COL23A1: variants seen among roughly 807,000 people sequenced by gnomAD.
The protein encoded by COL23A1 is collagen alpha-1(XXIII) chain.
A neutral mutation model predicts 99.3 loss-of-function variants in COL23A1; 97 were observed. That is an observed-to-expected ratio of 0.98 (90% CI 0.83 to 1.16). The LOEUF (loss-of-function observed/expected upper bound fraction) is 1.16, where lower values mean the gene tolerates loss of function less well. Ranked by LOEUF, COL23A1 falls within the 50% of genes most tolerant of loss-of-function variation. The pLI is 0.00. For missense variants in COL23A1, 762 were observed against 757.4 expected (o/e 1.01, Z -0.07); for synonymous variants, 320 against 308.2 (o/e 1.04, Z -0.40).
intron 1 of COL23A1, among the ~76,000 whole-genome samples, chr5:178,572,072 C>CAAAACAAAAAAA (rs762501300): frequency 4.0e-4 from 44 of 109,490 alleles, no homozygotes; most frequent in African/African-American, 1.5e-3. Flanking sequence ...TTTCTCAAAA[C>CAAAACAAAAAAA]AAAAAAAAAA....
At chr5:178,327,174 C>G (rs925817971) in intron 2 of COL23A1, among the ~76,000 whole-genome samples, 1 of 152,246 alleles carries the variant, frequency 6.6e-6, no homozygotes, top group Non-Finnish European at 1.5e-5. Flanking sequence ...CAAAGATGTA[C>G]TAATGACCCA....
intron 3 of COL23A1, among the ~76,000 whole-genome samples, chr5:178,305,476 T>C (rs1421728950): frequency 6.6e-6 from 1 of 152,176 alleles, no homozygotes; most frequent in Non-Finnish European, 1.5e-5. Flanking sequence ...CTTGTGAAGT[T>C]GCTTAGGGGC....
At position 178,405,353 on chromosome 5, in the gene COL23A1, T is replaced by C. The variant is rs1170228983; in HGVS notation, c.362-98434A>G. 2.6e-5 allele frequency among the ~76,000 whole-genome samples: 4 copies of C among 152,268 alleles called. No individual in the cohort carries two copies. The East Asian group carries it at 7.7e-4, about 29-fold the overall frequency. On this transcript the variant is annotated intron_variant, in intron 2 of 28. Coordinates refer to ENST00000390654, the MANE Select transcript of COL23A1 (RefSeq NM_173465.4). ...ATAGCTCTGTCCTCGTTTACATTGT[T>C]CTTCAAACAAACTATGATTCAATTT...
At chr5:178,462,644 T>C (rs945023232) in intron 2 of COL23A1, among the ~76,000 whole-genome samples, 2 of 152,000 alleles carry the variant, frequency 1.3e-5, no homozygotes, top group Admixed American at 1.3e-4. Context: ...AATACAAAGG[T>C]AGAACAATTT....
At chr5:178,403,890 G>A (rs1764606947) in intron 2 of COL23A1, among the ~76,000 whole-genome samples, 2 of 152,252 alleles carry the variant, frequency 1.3e-5, no homozygotes, top group African/African-American at 4.8e-5. Flanking sequence ...AGACCTGTGA[G>A]GCCCCCATCA....
chr5:178,314,358 G>C (rs564783941), intron 2 of COL23A1, among the ~76,000 whole-genome samples: 1 of 152,112 alleles, frequency 6.6e-6, no homozygotes. Flanking sequence ...GGGTTTTAAG[G>C]CACCGCCATA....
intron 5 of COL23A1, among the ~76,000 whole-genome samples, chr5:178,279,085 C>G (rs1005510745): frequency 4.6e-5 from 7 of 152,200 alleles, no homozygotes; most frequent in African/African-American, 1.4e-4. Flanking sequence ...AAGCTTTGCT[C>G]GAGCCCTGTG....
At chr5:178,551,872 A>G (rs1313348924) in intron 2 of COL23A1, among the ~76,000 whole-genome samples, 1 of 152,028 alleles carries the variant, frequency 6.6e-6, no homozygotes, top group Non-Finnish European at 1.5e-5. Flanking sequence ...ACTGTGTCCC[A>G]TGGAATAAAG....
intron 2 of COL23A1, among the ~76,000 whole-genome samples, chr5:178,542,793 C>T (rs909694585): frequency 2.0e-5 from 3 of 152,142 alleles, no homozygotes; most frequent in African/African-American, 7.2e-5. Context: ...TGAGTAAGAA[C>T]GGCCGGGCCT....
At chr5:178,403,137 A>AAAAAAAAAAAAAAAAAAAAAC (rs1561940793) in intron 2 of COL23A1, among the ~76,000 whole-genome samples, 1 of 137,060 alleles carries the variant, frequency 7.3e-6, no homozygotes, top group Non-Finnish European at 1.5e-5. Flanking sequence ...TAAATAAAAA[A>AAAAAAAAAAAAAAAAAAAAAC]TAAATACCAT....
intron 1 of COL23A1, among the ~76,000 whole-genome samples, chr5:178,586,471 C>T (rs1764011902): frequency 6.6e-6 from 1 of 152,176 alleles, no homozygotes; most frequent in Non-Finnish European, 1.5e-5. Flanking sequence ...ACCTCAGGGG[C>T]CATGCCTCAA....
chr5:178,562,736 T>TGGTGGGGGGGGGGGGGGG, intron 1 of COL23A1: 1 of 106,826 alleles, frequency 9.4e-6, no homozygotes, highest in African/African-American at 4.9e-5. Context: ...TGGCTGGTGG[T>TGGTGGGGGGGGGGGGGGG]GGGGGGGGTG....
chr5:178,434,977 G>A lies in COL23A1; in HGVS notation c.361+125705C>T, dbSNP rs1233522553. ...TCCCAGGGGCCTCTGCTGCAAGGGA[G>A]GGGGTCGGCACCCGTCCAGCACCGC... On this transcript the variant is annotated intron_variant, in intron 2 of 28. Coordinates refer to ENST00000390654, the MANE Select transcript of COL23A1 (RefSeq NM_173465.4). The surrounding 1 kb of genome is among the most constrained non-coding windows in gnomAD (Gnocchi z 4.3). Among the ~76,000 whole-genome samples the A allele has an allele frequency of 6.6e-6, 1 of 152,182 alleles. No individual in the cohort carries two copies. Among genetic ancestry groups the A allele is most frequent in the African/African-American group, 2.4e-5 (1 of 41,442 alleles).
intron 1 of COL23A1, among the ~76,000 whole-genome samples, chr5:178,578,361 C>A (rs949455632): frequency 6.6e-6 from 1 of 152,202 alleles, no homozygotes; most frequent in Non-Finnish European, 1.5e-5. Flanking sequence ...CCCTTGACAT[C>A]ATGGGAATCT....
intron 2 of COL23A1, among the ~76,000 whole-genome samples, chr5:178,383,610 C>T (rs192839069): frequency 2.0e-5 from 3 of 152,288 alleles, no homozygotes; most frequent in East Asian, 3.9e-4. Context: ...GTTGGAGAAG[C>T]CCCCCATCAG....
At position 178,256,388 on chromosome 5, in the gene COL23A1, C is replaced by G. The variant is rs141642971; in HGVS notation, c.847G>C (p.Gly283Arg). ...GCAGCTCCATCCGTGCCTCGGTGGC[C>G]AGGCTCCCCCTGTGGAGACATGCAT... is the stretch of plus-strand genomic sequence containing the variant. ...DGAPGPKGEPGHRGTDGAAGP... is the reference protein window; with the variant it reads ...DGAPGPKGEPRHRGTDGAAGP... The change falls in exon 15 of 29, where the codon GGC becomes CGC. Residue 283 changes from glycine (G) to arginine (R), a missense_variant. Gly to Arg is a moderately radical substitution (Grantham distance 125). Coordinates refer to ENST00000390654, the MANE Select transcript of COL23A1 (RefSeq NM_173465.4). 4 of 1,607,202 alleles carry G rather than the reference C, an allele frequency of 2.5e-6. No homozygotes were observed. Among genetic ancestry groups the G allele is most frequent in the Non-Finnish European group, 3.4e-6 (4 of 1,176,390 alleles).
chr5:178,471,792 T>C (rs1470865841), intron 2 of COL23A1, among the ~76,000 whole-genome samples: 4 of 152,100 alleles, frequency 2.6e-5, no homozygotes, highest in African/African-American at 9.7e-5. Flanking sequence ...CAGAGCCCAC[T>C]GGAATTATTT....
At chr5:178,363,272 A>G (rs970859972) in intron 2 of COL23A1, among the ~76,000 whole-genome samples, 1 of 151,984 alleles carries the variant, frequency 6.6e-6, no homozygotes, top group Non-Finnish European at 1.5e-5. Flanking sequence ...TATAGGACCT[A>G]TCATCCTCTT....
intron 2 of COL23A1, among the ~76,000 whole-genome samples, chr5:178,478,102 C>T (rs547785324): frequency 6.6e-6 from 1 of 152,270 alleles, no homozygotes; most frequent in South Asian, 2.1e-4. Flanking sequence ...TGCAGGGCCT[C>T]AATCAGTTGA....
Sources: gnomAD v4.1 joint callset for allele counts (sites outside exome capture counted in the v4.1 genomes callset) on GRCh38, gnomAD v4.1.1 for gene constraint, Gnocchi (gnomAD v3.1) non-coding constraint, MANE v1.5 for transcripts, NCBI Gene and HGNC (gene_info 2026-07-23, HGNC 2026-07-21) for gene names.